Variants in GALNTL6 observed in about 807,000 individuals in gnomAD.
GALNTL6 encodes polypeptide N-acetylgalactosaminyltransferase-like 6.
A neutral mutation model predicts 73.7 loss-of-function variants in GALNTL6; 46 were observed. The observed-to-expected ratio is 0.62, with a 90% CI of 0.49 to 0.80. The LOEUF (loss-of-function observed/expected upper bound fraction) is 0.80, where lower values mean the gene tolerates loss of function less well. GALNTL6 is among the 30% of genes least tolerant of loss of function. The pLI is 0.00. For synonymous variants in GALNTL6, 259 were observed against 263.7 expected (o/e 0.98, Z 0.17); for missense variants, 604 against 755.0 (o/e 0.80, Z 2.34).
At chr4:171,882,393 T>A (rs1433098049) in intron 2 of GALNTL6, among the ~76,000 whole-genome samples, 2 of 152,170 alleles carry the variant, frequency 1.3e-5, no homozygotes, top group African/African-American at 4.8e-5. Flanking sequence ...ACAAATGAGA[T>A]ACAGGTTTAT....
chr4:172,021,772 A>G (rs540838585), intron 2 of GALNTL6, among the ~76,000 whole-genome samples: 1 of 152,138 alleles, frequency 6.6e-6, no homozygotes, highest in East Asian at 1.9e-4. Context: ...AATAGAGAAC[A>G]CAGAAACAAA....
chr4:172,431,703 A>G (rs766239070), intron 5 of GALNTL6, among the ~76,000 whole-genome samples: 2 of 152,170 alleles, frequency 1.3e-5, no homozygotes, highest in Non-Finnish European at 2.9e-5. Flanking sequence ...ATAATTTAAA[A>G]TTTGTAGTAT....
chr4:172,132,382 G>A (rs576621362), intron 2 of GALNTL6, among the ~76,000 whole-genome samples: 2 of 152,052 alleles, frequency 1.3e-5, no homozygotes, highest in South Asian at 4.2e-4. Flanking sequence ...ATGACATTTT[G>A]TTTCTATCAC....
chr4:172,944,048 A>G (rs1172983608), intron 9 of GALNTL6, among the ~76,000 whole-genome samples: 1 of 152,234 alleles, frequency 6.6e-6, no homozygotes, highest in Non-Finnish European at 1.5e-5. Flanking sequence ...TTTCTAGAAT[A>G]CAAAAACAAA....
At chr4:172,719,199 A>G (rs1057288103) in intron 5 of GALNTL6, among the ~76,000 whole-genome samples, 1 of 152,188 alleles carries the variant, frequency 6.6e-6, no homozygotes, top group Non-Finnish European at 1.5e-5. Context: ...AACCAGACAT[A>G]CTCAAAATGA....
intron 2 of GALNTL6, among the ~76,000 whole-genome samples, chr4:171,846,699 T>C (rs1383972919): frequency 2.0e-5 from 3 of 150,630 alleles, no homozygotes; most frequent in East Asian, 1.9e-4. Context: ...TCTCTATATA[T>C]GGACATATAT....
chr4:171,820,763 GTAATA>G (rs1165160192), intron 2 of GALNTL6, among the ~76,000 whole-genome samples: 1 of 152,124 alleles, frequency 6.6e-6, no homozygotes, highest in African/African-American at 2.4e-5. Context: ...CTGTTATAAT[GTAATA>G]TAATTAACAC....
intron 5 of GALNTL6, among the ~76,000 whole-genome samples, chr4:172,772,064 G>A (rs1482965507): frequency 6.9e-6 from 1 of 144,568 alleles, no homozygotes; most frequent in Non-Finnish European, 1.5e-5. Flanking sequence ...CATGGCAGCA[G>A]ACAAGCAAAG....
chr4:172,836,011 C>T (rs540528647), intron 7 of GALNTL6, among the ~76,000 whole-genome samples: 10 of 152,236 alleles, frequency 6.6e-5, no homozygotes, highest in African/African-American at 1.4e-4. Flanking sequence ...TTTTGCAACT[C>T]GGGGCCACTG....
At position 172,457,058 on chromosome 4, in the gene GALNTL6, A is replaced by G. The variant is rs144430372; in HGVS notation, c.553+108369A>G. Among the ~76,000 whole-genome samples the G allele has an allele frequency of 7.4e-3, 1,120 of 152,294 alleles. 16 individuals are homozygous for G. The highest frequency in any genetic ancestry group is 0.025 in the African/African-American group (1,052 of 41,558). On this transcript the variant is annotated intron_variant, in intron 5 of 12. Coordinates refer to ENST00000506823, the MANE Select transcript of GALNTL6 (RefSeq NM_001034845.3). ...GTGGGGGCCAATATTCAACATTCTT[A>G]AAGAGAAGAATTTTCAACCCAGAAT...
At chr4:172,593,886 C>T (rs960096663) in intron 5 of GALNTL6, among the ~76,000 whole-genome samples, 20 of 152,102 alleles carry the variant, frequency 1.3e-4, no homozygotes, top group African/African-American at 4.8e-4. Flanking sequence ...TGTGCCACCA[C>T]ACCCAGCTAA....
chr4:171,953,225 CGTGTGTGTGTGTGTGTGTGT>C (rs36214606), intron 2 of GALNTL6, among the ~76,000 whole-genome samples: 2 of 147,024 alleles, frequency 1.4e-5, no homozygotes, highest in African/African-American at 2.5e-5. Flanking sequence ...CGCATGCGCA[CGTGTGTGTGTGTGTGTGTGT>C]GTGTGTGTGT....
At chr4:172,446,992 A>G (rs1000686402) in intron 5 of GALNTL6, among the ~76,000 whole-genome samples, 1 of 152,178 alleles carries the variant, frequency 6.6e-6, no homozygotes, top group African/African-American at 2.4e-5. Context: ...CATTCCACAT[A>G]TATTCCTACT....
At chr4:172,490,476 T>C (rs1373682942) in intron 5 of GALNTL6, among the ~76,000 whole-genome samples, 1 of 152,168 alleles carries the variant, frequency 6.6e-6, no homozygotes, top group Non-Finnish European at 1.5e-5. Context: ...AGATTGTTTA[T>C]TTCAAACTCT....
chr4:171,947,812 C>T (rs777146290), intron 2 of GALNTL6, among the ~76,000 whole-genome samples: 10 of 152,092 alleles, frequency 6.6e-5, no homozygotes, highest in East Asian at 1.9e-4. Context: ...GTTTGAGTGA[C>T]GCACCAGAGC....
At chr4:172,041,598 CT>C (rs1489504422) in intron 2 of GALNTL6, among the ~76,000 whole-genome samples, 1 of 151,976 alleles carries the variant, frequency 6.6e-6, no homozygotes, top group Non-Finnish European at 1.5e-5. Context: ...GATTTAAAGG[CT>C]TTTTTATGAT....
intron 5 of GALNTL6, among the ~76,000 whole-genome samples, chr4:172,531,260 A>C (rs2110847022): frequency 6.6e-6 from 1 of 152,334 alleles, no homozygotes; most frequent in Admixed American, 6.5e-5. Context: ...TGGCTCATGC[A>C]AGAGTAAATG....
intron 7 of GALNTL6, among the ~76,000 whole-genome samples, chr4:172,863,378 C>A (rs1353295870): frequency 6.6e-6 from 1 of 152,188 alleles, no homozygotes; most frequent in Non-Finnish European, 1.5e-5. Flanking sequence ...AGGAAGGGGG[C>A]TGTACCCTGC....
chr4:171,861,052 A>T (rs1427194394), intron 2 of GALNTL6, among the ~76,000 whole-genome samples: 1 of 152,186 alleles, frequency 6.6e-6, no homozygotes, highest in Non-Finnish European at 1.5e-5. Flanking sequence ...AAGATTTATG[A>T]CCAACATATC....
Sources: allele counts gnomAD v4.1 joint callset (sites outside exome capture counted in the v4.1 genomes callset), GRCh38; gene constraint gnomAD v4.1.1; transcripts MANE v1.5; gene names NCBI Gene and HGNC (gene_info 2026-07-23, HGNC 2026-07-21).